The following VTI1A variants were observed in gnomAD, a reference collection of about 807,000 sequenced individuals.
VTI1A encodes the protein vesicle transport through interaction with t-SNAREs homolog 1A.
A neutral mutation model predicts 34.9 loss-of-function variants in VTI1A; 22 were observed. The ratio of observed to expected loss-of-function variants is 0.63; its 90% CI spans 0.45 to 0.90. The LOEUF (loss-of-function observed/expected upper bound fraction) is 0.90, where lower values mean the gene tolerates loss of function less well. Among genes scored for constraint, VTI1A ranks in the 40% least tolerant of loss-of-function variants. The pLI is 0.00. For missense variants in VTI1A, 268 were observed against 275.6 expected, an observed-to-expected ratio of 0.97 and a Z score of 0.20; for synonymous variants, 87 against 97.3, an observed-to-expected ratio of 0.89 and a Z score of 0.62.
chr10:112,758,398 C>G (rs1006448395), intron 7 of VTI1A, among the ~76,000 whole-genome samples: 7 of 148,058 alleles, frequency 4.7e-5, no homozygotes, highest in African/African-American at 1.7e-4. Context: ...AAACATTTGT[C>G]TACTCCAGGA....
intron 3 of VTI1A, among the ~76,000 whole-genome samples, chr10:112,486,952 G>A (rs1184811610): frequency 1.3e-5 from 2 of 151,636 alleles, no homozygotes; most frequent in African/African-American, 4.8e-5. Context: ...CATTGTGTAT[G>A]GTTCTGTTAA....
At chr10:112,716,605 G>A (rs971433692) in intron 7 of VTI1A, among the ~76,000 whole-genome samples, 1 of 152,044 alleles carries the variant, frequency 6.6e-6, no homozygotes, top group African/African-American at 2.4e-5. Flanking sequence ...ACAATATGTT[G>A]TGCCCAGGAG....
intron 3 of VTI1A, among the ~76,000 whole-genome samples, chr10:112,478,996 G>A (rs1231281342): frequency 1.3e-5 from 2 of 151,948 alleles, no homozygotes; most frequent in Non-Finnish European, 2.9e-5. Flanking sequence ...GTGAAACCCT[G>A]TCTGTACTAA....
chr10:112,513,750 G>T (rs929236068), intron 3 of VTI1A, among the ~76,000 whole-genome samples: 7 of 151,774 alleles, frequency 4.6e-5, no homozygotes, highest in African/African-American at 1.2e-4. Flanking sequence ...TTATGAAAAG[G>T]TGTTGAATTT....
At chr10:112,743,240 G>A (rs1166897213) in intron 7 of VTI1A, among the ~76,000 whole-genome samples, 1 of 152,198 alleles carries the variant, frequency 6.6e-6, no homozygotes, top group Non-Finnish European at 1.5e-5. Context: ...ATGCTCCCCT[G>A]CAACAATGAG....
chr10:112,542,477 A>G (rs1252336222), intron 5 of VTI1A, among the ~76,000 whole-genome samples: 1 of 152,130 alleles, frequency 6.6e-6, no homozygotes, highest in Non-Finnish European at 1.5e-5. Flanking sequence ...TAGTCACTGC[A>G]GGCCACCTCG....
intron 7 of VTI1A, among the ~76,000 whole-genome samples, chr10:112,807,227 T>G (rs1057169603): frequency 5.3e-5 from 8 of 152,162 alleles, no homozygotes; most frequent in African/African-American, 1.9e-4. Context: ...ACCAGCTCCA[T>G]ATGCTGGTCT....
At chr10:112,726,376 G>A (rs1040239218) in intron 7 of VTI1A, among the ~76,000 whole-genome samples, 1 of 152,138 alleles carries the variant, frequency 6.6e-6, no homozygotes, top group African/African-American at 2.4e-5. Context: ...TTTATTTCTT[G>A]AAGGGAGTCA....
the VTI1A span, among the ~76,000 whole-genome samples, chr10:112,845,166 G>C: frequency 6.6e-6 from 1 of 152,232 alleles, no homozygotes; most frequent in Non-Finnish European, 1.5e-5. Flanking sequence ...GGTGGCCCGA[G>C]TCCACCATTC....
chr10:112,464,021 G>T (rs1389732819), intron 2 of VTI1A, among the ~76,000 whole-genome samples: 1 of 152,172 alleles, frequency 6.6e-6, no homozygotes, highest in Non-Finnish European at 1.5e-5. Flanking sequence ...TTGAGATGGA[G>T]TCTTGCTCTC....
intron 7 of VTI1A, among the ~76,000 whole-genome samples, chr10:112,694,640 A>C (rs1848720476): frequency 6.6e-6 from 1 of 152,226 alleles, no homozygotes; most frequent in Non-Finnish European, 1.5e-5. Flanking sequence ...CTCAAAAAAA[A>C]AAAAATCTTT....
At chr10:112,844,774 T>C in the VTI1A span, among the ~76,000 whole-genome samples, 5 of 152,098 alleles carry the variant, frequency 3.3e-5, no homozygotes, top group East Asian at 3.9e-4. Flanking sequence ...TTGAGAGATA[T>C]TCACCCTTTC....
At chr10:112,625,867 A>T (rs1845904602) in intron 5 of VTI1A, among the ~76,000 whole-genome samples, 1 of 152,158 alleles carries the variant, frequency 6.6e-6, no homozygotes, top group Admixed American at 6.5e-5. Flanking sequence ...TTACTCAGGT[A>T]ACCAAACACT....
At chr10:112,751,838 A>G (rs1049601475) in intron 7 of VTI1A, among the ~76,000 whole-genome samples, 8 of 152,236 alleles carry the variant, frequency 5.3e-5, no homozygotes, top group African/African-American at 1.9e-4. Flanking sequence ...CTCATTGGTT[A>G]CACAATCACA....
chr10:112,502,801 T>G (rs1248252802), intron 3 of VTI1A, among the ~76,000 whole-genome samples: 1 of 152,230 alleles, frequency 6.6e-6, no homozygotes, highest in African/African-American at 2.4e-5. Flanking sequence ...TATATAACCC[T>G]GTGTGCTTTT....
At chr10:112,537,013 C>T (rs1463665264) in intron 4 of VTI1A, among the ~76,000 whole-genome samples, 14 of 152,090 alleles carry the variant, frequency 9.2e-5, no homozygotes. Flanking sequence ...GCTTGCATCT[C>T]CAAGATCCAT....
chr10:112,836,116 C>G, the VTI1A span, among the ~76,000 whole-genome samples: 1 of 152,230 alleles, frequency 6.6e-6, no homozygotes, highest in Non-Finnish European at 1.5e-5. Flanking sequence ...CAGCCCTGTC[C>G]TCTTCCCGGG....
intron 5 of VTI1A, among the ~76,000 whole-genome samples, chr10:112,650,779 T>A (rs1319239020): frequency 2.0e-5 from 3 of 152,228 alleles, no homozygotes; most frequent in African/African-American, 2.4e-5. Context: ...AAAACATTGT[T>A]ATGCAATGCA....
the VTI1A span, among the ~76,000 whole-genome samples, chr10:112,839,584 A>T: frequency 1.6e-3 from 237 of 152,064 alleles, 2 homozygotes; most frequent in African/African-American, 5.4e-3. Context: ...GGAATCAGAG[A>T]GACAAGGGTG....
Sources: allele counts gnomAD v4.1 joint callset (sites outside exome capture counted in the v4.1 genomes callset), GRCh38; gene constraint gnomAD v4.1.1; transcripts MANE v1.5; gene names NCBI Gene and HGNC (gene_info 2026-07-23, HGNC 2026-07-21).